Variants in SREK1 observed in about 807,000 individuals in gnomAD.
The protein encoded by SREK1 is splicing regulatory glutamine/lysine-rich protein 1.
In SREK1, 13 loss-of-function variants were observed where a neutral mutation model predicts 66.5. The ratio of observed to expected loss-of-function variants is 0.20; its 90% CI spans 0.13 to 0.31. The LOEUF is 0.31. SREK1 is among the 10% of genes least tolerant of loss of function. The probability of loss-of-function intolerance (pLI) is 1.00; values close to 1 mark genes in which losing one functional copy is unlikely to be tolerated. For missense variants in SREK1, 607 were observed against 769.6 expected (o/e 0.79, Z 2.50); for synonymous variants, 265 against 263.5 (o/e 1.01, Z -0.05).
At position 66,164,785 on chromosome 5, in the gene SREK1, T is replaced by A. The variant is rs1245782453; in HGVS notation, c.889T>A (p.Ser297Thr). 1 of 1,614,002 alleles carries A rather than the reference T, an allele frequency of 6.2e-7. No homozygotes were observed. The highest frequency in any genetic ancestry group is 1.1e-5 in the South Asian group (1 of 91,082). The change falls in exon 7 of 12, where the codon TCT becomes ACT. Residue 297 changes from serine to threonine, a missense_variant and splice_region_variant. Physicochemically the swap from Ser to Thr is moderately conservative, Grantham distance 58. Coordinates refer to ENST00000334121, the MANE Select transcript of SREK1 (RefSeq NM_001077199.3). ...SFISAAIEPE[S>T]GKSNERKGGR... The stretch of plus-strand genomic sequence containing the variant: ...GCAAAGTGATTTTTTCCTCCCAGAG[T>A]CTGGAAAGAGCAATGAAAGAAAAGG...
intron 9 of SREK1, among the ~76,000 whole-genome samples, chr5:66,173,484 T>A (rs1471483827): frequency 1.3e-5 from 2 of 152,170 alleles, no homozygotes; most frequent in African/African-American, 2.4e-5. Context: ...GAAAAACAGA[T>A]TAGGTTAAGT....
chr5:66,149,341 C>G (rs1743557326), intron 1 of SREK1, among the ~76,000 whole-genome samples: 1 of 149,448 alleles, frequency 6.7e-6, no homozygotes, highest in South Asian at 2.1e-4. Flanking sequence ...CAGTGTGAAA[C>G]TCTGTCTCAA....
rs1425691982 is a variant in SREK1, at chr5:66,181,386, ATTCTT to A, written c.*2525_*2529del. On this transcript the variant is annotated 3_prime_UTR_variant, in exon 12 of 12. Transcript: ENST00000334121. Reference sequence around the variant, plus strand: ...AAAGAGCTCATGTTTTCATTTGTTTATTCTTTTCTTTCAGGGTATTTTGTTTTTTT... The same window carrying A: ...AAAGAGCTCATGTTTTCATTTGTTTATTCTTTCAGGGTATTTTGTTTTTTT... The A allele has an allele frequency of 6.6e-6, 1 of 152,024 alleles. No homozygotes were observed. Among genetic ancestry groups the A allele is most frequent in the East Asian group, 1.9e-4 (1 of 5,196 alleles). 9.4% of individuals were successfully genotyped at this position (152,024 alleles called of 1,614,324 possible). A position where few individuals can be genotyped will look rare whatever the true frequency, so the allele number is the denominator to read the frequency against.
At position 66,159,238 on chromosome 5, in the gene SREK1, C is replaced by G. The variant is rs1298722871; in HGVS notation, c.315C>G (p.Ser105=). 1.2e-6 allele frequency: 2 copies of G among 1,612,478 alleles called. No individual in the cohort carries two copies. ...PCAEGKIPEE[S]KALSLLAPAP... ...CTGCAGGTAAAATCCCAGAGGAATC[C>G]AAAGCCCTCTCTTTATTGGCTCCTG... Residue 105 remains serine (S), a synonymous_variant, in exon 3 of 12, where the codon TCC becomes TCG. Transcript: ENST00000334121.
intron 10 of SREK1, among the ~76,000 whole-genome samples, chr5:66,176,335 C>T (rs1378320662): frequency 2.0e-5 from 3 of 152,008 alleles, no homozygotes; most frequent in South Asian, 2.1e-4. Context: ...GAGATTATAC[C>T]GTATTTTTAA....
In SREK1 at chr5:66,183,494, T is replaced by A. The variant is rs916684182; in HGVS notation, c.*4626T>A. On this transcript the variant is annotated 3_prime_UTR_variant, in exon 12 of 12. Coordinates refer to ENST00000334121, the MANE Select transcript of SREK1 (RefSeq NM_001077199.3). ...AGAGTTTGGAATGTAAACATAAACA[T>A]GCTGCATAGGTGGTGGTTATTTGTG... 6.6e-6 allele frequency: 1 copy of A among 152,146 alleles called. No homozygotes were observed. Among genetic ancestry groups the A allele is most frequent in the African/African-American group, 2.4e-5 (1 of 41,436 alleles). The allele number at this position is 152,146 out of a possible 1,614,324, so 9.4% of individuals were successfully genotyped here.
Position 66,179,051 on chromosome 5 carries a change from C to G in SREK1, c.*183C>G, listed in dbSNP as rs376966512. ...GAGTAAGAAAATAAAGCATGGACAT[C>G]ATGAAAATAACAGATGTTACCCAAA... On this transcript the variant is annotated 3_prime_UTR_variant, in exon 12 of 12. Transcript: ENST00000334121. 1.8e-6 allele frequency: 1 copy of G among 553,104 alleles called. No homozygotes were observed. 34.3% of individuals were successfully genotyped at this position (553,104 alleles called of 1,614,324 possible). A position where few individuals can be genotyped will look rare whatever the true frequency, so the allele number is the denominator to read the frequency against.
At chr5:66,154,810 G>A (rs1328202436) in intron 2 of SREK1, among the ~76,000 whole-genome samples, 1 of 152,146 alleles carries the variant, frequency 6.6e-6, no homozygotes, top group East Asian at 1.9e-4. Flanking sequence ...TTGGCCAAAT[G>A]TATCTTTATC....
In SREK1 at chr5:66,179,024, TTGAG is replaced by T. The variant is rs1234015188; in HGVS notation, c.*158_*161del. The T allele has an allele frequency of 1.6e-5, 12 of 738,284 alleles. No individual in the cohort carries two copies. Among genetic ancestry groups the T allele is most frequent in the Middle Eastern group, 3.0e-4 (1 of 3,346 alleles). 45.7% of individuals were successfully genotyped at this position (738,284 alleles called of 1,614,324 possible). A position where few individuals can be genotyped will look rare whatever the true frequency, so the allele number is the denominator to read the frequency against. On this transcript the variant is annotated 3_prime_UTR_variant, in exon 12 of 12. Coordinates refer to ENST00000334121, the MANE Select transcript of SREK1 (RefSeq NM_001077199.3). ...AGATGACTTTGTGGCCATCTTGTTA[TTGAG>T]TAAGAAAATAAAGCATGGACATCAT...
chr5:66,155,936 G>T, intron 2 of SREK1: 1 of 1,345,438 alleles, frequency 7.4e-7, no homozygotes, highest in Non-Finnish European at 1.0e-6. Context: ...AAAAAGATAC[G>T]GTCAAACATA....
intron 2 of SREK1, chr5:66,156,000 A>G: frequency 6.5e-7 from 1 of 1,532,330 alleles, no homozygotes; most frequent in Non-Finnish European, 8.7e-7. Context: ...ATTTTCTGGT[A>G]GATGGATTTT....
intron 5 of SREK1, chr5:66,163,562 G>T (rs1744935240): frequency 5.6e-6 from 2 of 360,204 alleles, no homozygotes; most frequent in South Asian, 4.9e-5. Context: ...AGTTAGCTAG[G>T]GTTCAATTTT....
chr5:66,177,961 T>G (rs374807539), intron 11 of SREK1, among the ~76,000 whole-genome samples: 187 of 152,180 alleles, frequency 1.2e-3, no homozygotes, highest in African/African-American at 4.4e-3. Context: ...CTGATGCCAT[T>G]TTCCTCAATT....
chr5:66,170,199 T>C, intron 8 of SREK1, 29 bp downstream of exon 8: 1 of 1,595,152 alleles, frequency 6.3e-7, no homozygotes, highest in Non-Finnish European at 8.5e-7. Flanking sequence ...AACAATAATT[T>C]TTTTTTCCTC....
chr5:66,164,313 A>C (rs1381150836), intron 6 of SREK1: 1 of 267,646 alleles, frequency 3.7e-6, no homozygotes, highest in Admixed American at 5.1e-5. Flanking sequence ...GTGATTTAGA[A>C]AAAAATACAG....
chr5:66,178,809 C>G lies in SREK1; in HGVS notation c.1816C>G (p.His606Asp), dbSNP rs745813533. ...APRTEENKIQ[H>D]NGNCQLNEEN... ...AAGGACTGAGGAAAACAAAATACAG[C>G]ACAATGGGAATTGTCAGCTGAATGA... The change falls in exon 12 of 12, where the codon CAC becomes GAC. Residue 606 changes from histidine (H) to aspartate (D), a missense_variant. By Grantham distance (81) the His-to-Asp change is moderately conservative. Transcript: ENST00000334121. 1 of 1,612,650 alleles carries G rather than the reference C, an allele frequency of 6.2e-7. No homozygotes were observed. The highest frequency in any genetic ancestry group is 1.1e-5 in the South Asian group (1 of 91,010).
intron 7 of SREK1, chr5:66,167,809 G>A (rs1447703252): frequency 6.6e-6 from 1 of 152,158 alleles, no homozygotes; most frequent in Admixed American, 6.5e-5. Context: ...GAAAACAAAA[G>A]AATTATATTT....
At chr5:66,172,919 C>T (rs1434838939) in intron 9 of SREK1, among the ~76,000 whole-genome samples, 1 of 150,274 alleles carries the variant, frequency 6.7e-6, no homozygotes, top group African/African-American at 2.5e-5. Context: ...CAACCTCTGC[C>T]TCCTGGGTTC....
chr5:66,148,988 T>A (rs1009245368), intron 1 of SREK1, among the ~76,000 whole-genome samples: 1 of 152,238 alleles, frequency 6.6e-6, no homozygotes, highest in African/African-American at 2.4e-5. Flanking sequence ...GCCTGAAATT[T>A]TCAAATATTT....
Sources: allele counts gnomAD v4.1 joint callset (sites outside exome capture counted in the v4.1 genomes callset), GRCh38; gene constraint gnomAD v4.1.1; transcripts MANE v1.5; gene names NCBI Gene and HGNC (gene_info 2026-07-23, HGNC 2026-07-21).